The following RBFOX1 variants were observed in gnomAD, a reference collection of about 807,000 sequenced individuals.
The protein encoded by RBFOX1 is RNA binding protein fox-1 homolog 1.
Under a neutral mutation model 57.7 loss-of-function variants are expected in RBFOX1, and 8 were observed. The observed-to-expected ratio is 0.14, with a 90% CI of 0.08 to 0.25. The LOEUF is 0.25. RBFOX1 is among the 10% of genes least tolerant of loss of function. The probability of loss-of-function intolerance (pLI) is 1.00; values close to 1 mark genes in which losing one functional copy is unlikely to be tolerated. For missense variants in RBFOX1, 611 were observed against 548.5 expected, an observed-to-expected ratio of 1.11 and a Z score of -1.14; for synonymous variants, 326 against 222.4, an observed-to-expected ratio of 1.47 and a Z score of -4.15.
chr16:7,130,607 A>G (rs188896980), intron 4 of RBFOX1, among the ~76,000 whole-genome samples: 1 of 152,282 alleles, frequency 6.6e-6, no homozygotes, highest in East Asian at 1.9e-4. Flanking sequence ...AAGCATATGT[A>G]GGGTCTGCAG....
At chr16:5,906,685 G>A (rs1285207031) in intron 4 of RBFOX1, among the ~76,000 whole-genome samples, 1 of 147,254 alleles carries the variant, frequency 6.8e-6, no homozygotes, top group African/African-American at 2.5e-5. Context: ...TGTTGTCGCT[G>A]ACCACACTCC....
chr16:6,691,526 T>G (rs2060205864), intron 3 of RBFOX1, among the ~76,000 whole-genome samples: 1 of 152,212 alleles, frequency 6.6e-6, no homozygotes, highest in African/African-American at 2.4e-5. Flanking sequence ...TAAATGCGTT[T>G]CGCAGGTTTC....
chr16:6,470,881 C>T (rs777692791), intron 2 of RBFOX1, among the ~76,000 whole-genome samples: 2 of 152,130 alleles, frequency 1.3e-5, no homozygotes, highest in Non-Finnish European at 2.9e-5. Context: ...TTTACCAAAT[C>T]CTCTTTTCCA....
At chr16:5,904,419 T>C (rs1307814212) in intron 4 of RBFOX1, among the ~76,000 whole-genome samples, 2 of 151,860 alleles carry the variant, frequency 1.3e-5, no homozygotes, top group Non-Finnish European at 2.9e-5. Flanking sequence ...ATTATATATT[T>C]TTCACTCTGC....
At chr16:6,562,880 C>CTTTCTTTCTTTCTTTTTTT (rs746999419) in intron 2 of RBFOX1, among the ~76,000 whole-genome samples, 3 of 51,778 alleles carry the variant, frequency 5.8e-5, no homozygotes, top group Non-Finnish European at 1.2e-4. Context: ...TTCTTTCTTT[C>CTTTCTTTCTTTCTTTTTTT]TTTTTTTTTT....
At chr16:6,001,004 G>A (rs749403702) in intron 4 of RBFOX1, among the ~76,000 whole-genome samples, 1 of 152,112 alleles carries the variant, frequency 6.6e-6, no homozygotes, top group Non-Finnish European at 1.5e-5. Flanking sequence ...TGGATTGACG[G>A]ATGAGTAGAT....
At chr16:6,611,835 C>T (rs1044271326) in intron 2 of RBFOX1, among the ~76,000 whole-genome samples, 1 of 152,098 alleles carries the variant, frequency 6.6e-6, no homozygotes, top group Non-Finnish European at 1.5e-5. Context: ...CTCCAAGGCC[C>T]TGTCTCCCGC....
At chr16:5,825,350 T>C (rs543728241) in intron 3 of RBFOX1, among the ~76,000 whole-genome samples, 27 of 152,286 alleles carry the variant, frequency 1.8e-4, no homozygotes, top group Non-Finnish European at 2.4e-4. Flanking sequence ...CTATGCCACA[T>C]CTTTTGCAGA....
chr16:6,414,884 G>A (rs559694193), intron 2 of RBFOX1, among the ~76,000 whole-genome samples: 1 of 152,240 alleles, frequency 6.6e-6, no homozygotes, highest in African/African-American at 2.4e-5. Context: ...GATATAGTCA[G>A]ACATCCTGCA....
At chr16:5,566,718 A>G (rs1390988608) in intron 2 of RBFOX1, among the ~76,000 whole-genome samples, 1 of 151,928 alleles carries the variant, frequency 6.6e-6, no homozygotes. Flanking sequence ...ATATCCTAAT[A>G]TGGACAAACT....
chr16:5,699,088 A>G lies in RBFOX1; in HGVS notation c.318+100127A>G, dbSNP rs1032110071. ...CTGCAACCTCCATCTCATGGATTCA[A>G]GTGATTCTCATGCCTCAGCCTCCCG... On this transcript the variant is annotated intron_variant, in intron 3 of 19. Coordinates refer to the RBFOX1 transcript ENST00000641259. Among the ~76,000 whole-genome samples, 24 of 151,084 alleles carry G rather than the reference A, an allele frequency of 1.6e-4. 1 individual carries two copies. Among genetic ancestry groups the G allele is most frequent in the Admixed American group, 1.4e-3 (21 of 15,138 alleles).
At chr16:5,814,957 A>G (rs1309851647) in intron 3 of RBFOX1, among the ~76,000 whole-genome samples, 1 of 151,928 alleles carries the variant, frequency 6.6e-6, no homozygotes, top group Non-Finnish European at 1.5e-5. Context: ...AAAGAAAAAA[A>G]AAAAATTTTA....
intron 1 of RBFOX1, among the ~76,000 whole-genome samples, chr16:6,130,040 TATGAA>T (rs1303709793): frequency 6.6e-6 from 1 of 152,040 alleles, no homozygotes; most frequent in Non-Finnish European, 1.5e-5. Context: ...CATGATCAAA[TATGAA>T]AGGAAATGAG....
intron 3 of RBFOX1, among the ~76,000 whole-genome samples, chr16:6,807,822 G>C (rs1162757417): frequency 6.6e-6 from 1 of 151,524 alleles, no homozygotes; most frequent in African/African-American, 2.4e-5. Flanking sequence ...CTCAAAAAAA[G>C]ATGCTTATTA....
chr16:6,936,057 C>T (rs888417495), intron 3 of RBFOX1, among the ~76,000 whole-genome samples: 19 of 152,152 alleles, frequency 1.2e-4, no homozygotes, highest in African/African-American at 3.9e-4. Flanking sequence ...GAGTATTTTG[C>T]CTGCGTCAGG....
At chr16:7,288,370 C>T (rs111785890) in intron 4 of RBFOX1, among the ~76,000 whole-genome samples, 2 of 152,192 alleles carry the variant, frequency 1.3e-5, no homozygotes, top group Admixed American at 6.5e-5. Context: ...GTTAGGGCCT[C>T]AGGGTGTACA....
At chr16:6,606,952 G>A (rs994726210) in intron 2 of RBFOX1, among the ~76,000 whole-genome samples, 1 of 152,168 alleles carries the variant, frequency 6.6e-6, no homozygotes, top group African/African-American at 2.4e-5. Context: ...CACAATGGTT[G>A]AACAAATTTA....
intron 2 of RBFOX1, among the ~76,000 whole-genome samples, chr16:6,463,878 A>G (rs187840464): frequency 7.9e-5 from 12 of 152,160 alleles, no homozygotes; most frequent in African/African-American, 2.4e-4. Flanking sequence ...CGCGCCCACC[A>G]TGACCTAGGA....
At chr16:5,643,594 T>G (rs2048950834) in intron 3 of RBFOX1, among the ~76,000 whole-genome samples, 2 of 152,074 alleles carry the variant, frequency 1.3e-5, no homozygotes, top group African/African-American at 4.8e-5. Context: ...AACCGCAGAG[T>G]CATAGCAAGG....
Sources: allele counts gnomAD v4.1 joint callset (sites outside exome capture counted in the v4.1 genomes callset), GRCh38; gene constraint gnomAD v4.1.1; transcripts MANE v1.5; gene names NCBI Gene and HGNC (gene_info 2026-07-23, HGNC 2026-07-21).